CDH10: variants seen among roughly 807,000 people sequenced by gnomAD.
CDH10 encodes cadherin-10.
In CDH10, 30 loss-of-function variants were observed where a neutral mutation model predicts 73.1. The observed-to-expected ratio is 0.41, with a 90% CI of 0.31 to 0.56. The LOEUF is 0.56. Ranked by LOEUF, CDH10 falls within the 20% of genes least tolerant of loss-of-function variation. The pLI is 0.27. For missense variants in CDH10, 815 were observed against 973.7 expected (o/e 0.84, Z 2.17); for synonymous variants, 345 against 348.2 (o/e 0.99, Z 0.10).
At chr5:24,644,322 T>C (rs960892639) in intron 1 of CDH10, among the ~76,000 whole-genome samples, 2 of 152,200 alleles carry the variant, frequency 1.3e-5, no homozygotes, top group Admixed American at 1.3e-4. Flanking sequence ...GTGAATGAAT[T>C]CACAAACTCT....
chr5:24,627,549 T>C (rs1263912379), intron 1 of CDH10, among the ~76,000 whole-genome samples: 1 of 152,152 alleles, frequency 6.6e-6, no homozygotes, highest in Non-Finnish European at 1.5e-5. Context: ...AGAGTTTCAT[T>C]CTGGCTCTCT....
intron 1 of CDH10, among the ~76,000 whole-genome samples, chr5:24,619,491 C>G (rs920358189): frequency 6.6e-6 from 1 of 152,100 alleles, no homozygotes; most frequent in South Asian, 2.1e-4. Context: ...CCGTGCCCGG[C>G]CTGATTTAGA....
chr5:24,605,074 T>TA (rs1439019179), intron 1 of CDH10, among the ~76,000 whole-genome samples: 2 of 151,826 alleles, frequency 1.3e-5, no homozygotes, highest in Non-Finnish European at 2.9e-5. Context: ...GCAAAGAAAA[T>TA]ATATAGATGG....
intron 8 of CDH10, among the ~76,000 whole-genome samples, chr5:24,499,010 G>A (rs1317867224): frequency 6.6e-6 from 1 of 151,968 alleles, no homozygotes; most frequent in African/African-American, 2.4e-5. Flanking sequence ...GACCTGAGCG[G>A]GTTGCCCGAA....
rs148384899 is a variant in CDH10, at chr5:24,487,349, C to T, written c.*314G>A. ...GGGCAGGACATGTACCTAACAGAAG[C>T]GGCTTGTTTGTGAGGTTGCTTAAGG... On this transcript the variant is annotated 3_prime_UTR_variant, in exon 12 of 12. Transcript: ENST00000264463. 64 of 246,182 alleles carry T rather than the reference C, an allele frequency of 2.6e-4. 1 individual carries two copies. The East Asian group carries it at 5.8e-3, about 22-fold the overall frequency. The allele number at this position is 246,182 out of a possible 1,614,324, so 15.2% of individuals were successfully genotyped here.
At chr5:24,638,159 C>T (rs900408988) in intron 1 of CDH10, among the ~76,000 whole-genome samples, 4 of 150,926 alleles carry the variant, frequency 2.7e-5, no homozygotes, top group African/African-American at 4.9e-5. Flanking sequence ...TCATTTCTGC[C>T]GTTTTTTTAA....
chr5:24,548,608 G>T (rs1392196777), intron 2 of CDH10, among the ~76,000 whole-genome samples: 1 of 150,832 alleles, frequency 6.6e-6, no homozygotes, highest in African/African-American at 2.4e-5. Flanking sequence ...ATGTTAAGCA[G>T]ATCTAAAAAA....
intron 2 of CDH10, among the ~76,000 whole-genome samples, chr5:24,579,355 G>A (rs367963659): frequency 1.4e-5 from 2 of 138,314 alleles, no homozygotes; most frequent in Non-Finnish European, 3.2e-5. Flanking sequence ...ATATATATAT[G>A]TATACATAAA....
At chr5:24,570,028 AG>A (rs1415728264) in intron 2 of CDH10, among the ~76,000 whole-genome samples, 1 of 152,002 alleles carries the variant, frequency 6.6e-6, no homozygotes, top group Non-Finnish European at 1.5e-5. Flanking sequence ...AGCCTCTCAA[AG>A]TCCTGGGATT....
Position 24,581,153 on chromosome 5 carries a change from G to A in CDH10, c.231+12107C>T, listed in dbSNP as rs529128150. Reference sequence around the variant, plus strand: ...ACCCTAGGGATTCTGGGCACCCCCCGACCCATTACCTCTTTTCCAACCTCT... The same window carrying A: ...ACCCTAGGGATTCTGGGCACCCCCCAACCCATTACCTCTTTTCCAACCTCT... On this transcript the variant is annotated intron_variant, in intron 2 of 11. Transcript: ENST00000264463. 2.4e-3 allele frequency among the ~76,000 whole-genome samples: 371 copies of A among 152,164 alleles called. 1 individual carries two copies. The highest frequency in any genetic ancestry group is 3.9e-3 in the Non-Finnish European group (265 of 67,988).
chr5:24,543,630 G>A (rs1435358923), intron 2 of CDH10, among the ~76,000 whole-genome samples: 2 of 152,000 alleles, frequency 1.3e-5, no homozygotes, highest in African/African-American at 2.4e-5. Flanking sequence ...AATTGCTCCA[G>A]TTGATAAACA....
At chr5:24,511,535 AAGAGAGAGACAGAGAGAGAGAGAGAG>A in intron 5 of CDH10, 21 bp from the exon 6 acceptor site, 1 of 845,528 alleles carries the variant, frequency 1.2e-6, no homozygotes, top group Non-Finnish European at 1.9e-6. Context: ...TAAAGAAAAG[AAGAGAGAGACAGAGAGAGAGAGAGAG>A]AGAGAGAGAG....
chr5:24,633,760 G>A (rs901241592), intron 1 of CDH10, among the ~76,000 whole-genome samples: 8 of 151,658 alleles, frequency 5.3e-5, no homozygotes, highest in Non-Finnish European at 5.9e-5. Flanking sequence ...ACATTAAATG[G>A]CATTCATTTA....
intron 3 of CDH10, among the ~76,000 whole-genome samples, chr5:24,536,740 C>G (rs944942014): frequency 3.3e-5 from 5 of 151,718 alleles, no homozygotes; most frequent in Non-Finnish European, 1.5e-5. Context: ...TTTTTCATGC[C>G]TTATGTTTTA....
chr5:24,600,343 C>T (rs1019587367), intron 1 of CDH10, among the ~76,000 whole-genome samples: 1 of 152,044 alleles, frequency 6.6e-6, no homozygotes, highest in Non-Finnish European at 1.5e-5. Flanking sequence ...GATTTTCTTT[C>T]TATAAATAGG....
chr5:24,619,788 C>G (rs1225397683), intron 1 of CDH10, among the ~76,000 whole-genome samples: 1 of 152,082 alleles, frequency 6.6e-6, no homozygotes. Context: ...AAAAGGGACC[C>G]CAGACCACTA....
At chr5:24,578,632 G>C (rs1561175753) in intron 2 of CDH10, 1 of 159,034 alleles carries the variant, frequency 6.3e-6, no homozygotes, top group East Asian at 1.8e-4. Context: ...TAAAACTAAG[G>C]CTAGAAACAA....
At chr5:24,504,168 T>G in intron 8 of CDH10, among the ~76,000 whole-genome samples, 1 of 152,084 alleles carries the variant, frequency 6.6e-6, no homozygotes, top group East Asian at 1.9e-4. Flanking sequence ...AAACAGCAGA[T>G]GTAAGAAGGG....
chr5:24,544,235 A>G (rs971010172), intron 2 of CDH10, among the ~76,000 whole-genome samples: 93 of 152,290 alleles, frequency 6.1e-4, no homozygotes, highest in African/African-American at 2.1e-3. Context: ...CGGAGGTTGC[A>G]GTAAGCCAAG....
Sources: allele counts gnomAD v4.1 joint callset (sites outside exome capture counted in the v4.1 genomes callset), GRCh38; gene constraint gnomAD v4.1.1; transcripts MANE v1.5; gene names NCBI Gene and HGNC (gene_info 2026-07-23, HGNC 2026-07-21).